Variants in IP6K1 observed in about 807,000 individuals in gnomAD.
The protein encoded by IP6K1 is inositol hexakisphosphate kinase 1, also known as ATP:1D-myo-inositol-hexakisphosphate phosphotransferase.
Under a neutral mutation model 38.3 loss-of-function variants are expected in IP6K1, and 13 were observed. That is an observed-to-expected ratio of 0.34 (90% CI 0.22 to 0.54). IP6K1 has a LOEUF of 0.54. IP6K1 is among the 20% of genes least tolerant of loss of function. IP6K1 has a pLI of 0.92. For synonymous variants in IP6K1, 212 were observed against 229.9 expected (o/e 0.92, Z 0.70); for missense variants, 397 against 599.8 (o/e 0.66, Z 3.53).
At chr3:49,764,198 A>C (rs768880513) in intron 1 of IP6K1, among the ~76,000 whole-genome samples, 4 of 151,772 alleles carry the variant, frequency 2.6e-5, no homozygotes, top group African/African-American at 7.3e-5. Flanking sequence ...CCTGGGCAAC[A>C]TAGTGAGACC....
At position 49,738,343 on chromosome 3, in the gene IP6K1, A is replaced by G; in HGVS notation, c.303T>C (p.Thr101=). Residue 101 remains threonine, a synonymous_variant, in exon 3 of 6, where the codon ACT becomes ACC. Transcript: ENST00000321599. ...LVAYPYVESE[T]VEQDDTTERE... ...GTTCTGTTGTGTCATCCTGTTCCAC[A>G]GTCTCACTTTCCACATAAGGATAGG... The G allele has an allele frequency of 6.2e-7, 1 of 1,614,182 alleles. No homozygotes were observed. The highest frequency in any genetic ancestry group is 8.5e-7 in the Non-Finnish European group (1 of 1,180,028).
At chr3:49,738,452 A>G (rs1035974320) in intron 2 of IP6K1, 30 bp from the exon 3 acceptor site, 2 of 1,557,580 alleles carry the variant, frequency 1.3e-6, no homozygotes, top group Non-Finnish European at 1.8e-6. Context: ...TGGTAAACAA[A>G]TGTCAACACA....
At chr3:49,768,786 A>T (rs2080932496) in intron 1 of IP6K1, among the ~76,000 whole-genome samples, 1 of 152,068 alleles carries the variant, frequency 6.6e-6, no homozygotes, top group Non-Finnish European at 1.5e-5. Context: ...AAAATAAAAT[A>T]AAATAGGCGA....
At chr3:49,744,869 C>T (rs993609527) in intron 2 of IP6K1, among the ~76,000 whole-genome samples, 5 of 152,122 alleles carry the variant, frequency 3.3e-5, no homozygotes, top group African/African-American at 1.2e-4. Flanking sequence ...CTCAATTAAG[C>T]TAAGAAAAAG....
intron 1 of IP6K1, 75 bp from the exon 2 acceptor site, chr3:49,748,243 G>C (rs2080740388): frequency 1.7e-6 from 1 of 600,408 alleles, no homozygotes; most frequent in Non-Finnish European, 3.0e-6. Flanking sequence ...CCATGAGTGA[G>C]AGCAGGGACT....
chr3:49,761,070 C>T (rs2080863862), intron 1 of IP6K1, among the ~76,000 whole-genome samples: 1 of 152,126 alleles, frequency 6.6e-6, no homozygotes, highest in African/African-American at 2.4e-5. Context: ...AATCCCAGCA[C>T]TTTGGGAGGC....
intron 4 of IP6K1, among the ~76,000 whole-genome samples, chr3:49,732,361 G>A (rs1401927231): frequency 6.6e-6 from 1 of 152,178 alleles, no homozygotes; most frequent in Non-Finnish European, 1.5e-5. Flanking sequence ...AAGCGCATAT[G>A]GGCACATACG....
chr3:49,771,471 G>A (rs1010472931), intron 1 of IP6K1, among the ~76,000 whole-genome samples: 3 of 152,112 alleles, frequency 2.0e-5, no homozygotes, highest in Non-Finnish European at 4.4e-5. Flanking sequence ...TTAGCATTCA[G>A]GTAAGTGAAA....
chr3:49,741,876 T>G (rs544156702), intron 2 of IP6K1, among the ~76,000 whole-genome samples: 21 of 152,298 alleles, frequency 1.4e-4, no homozygotes, highest in African/African-American at 5.1e-4. Context: ...ATTTAGAACT[T>G]CAAGGTGCCT....
At chr3:49,770,181 C>G (rs114205165) in intron 1 of IP6K1, among the ~76,000 whole-genome samples, 2,771 of 152,248 alleles carry the variant, frequency 0.018, 38 homozygotes, top group Non-Finnish European at 0.032. Flanking sequence ...TGGGCCACTT[C>G]TGAATTCCTA....
intron 1 of IP6K1, among the ~76,000 whole-genome samples, chr3:49,757,306 A>G (rs2080832354): frequency 6.6e-6 from 1 of 152,246 alleles, no homozygotes; most frequent in Admixed American, 6.6e-5. Context: ...GAAAACGTTA[A>G]GCACAGTGGG....
At chr3:49,754,359 G>T (rs1298851959) in intron 1 of IP6K1, among the ~76,000 whole-genome samples, 2 of 145,800 alleles carry the variant, frequency 1.4e-5, no homozygotes, top group Admixed American at 1.4e-4. Context: ...CTGGGTGACA[G>T]ATTCAGATCT....
chr3:49,775,303 A>C (rs1186024295), intron 1 of IP6K1: 3 of 258,220 alleles, frequency 1.2e-5, no homozygotes, highest in Non-Finnish European at 2.4e-5. Flanking sequence ...ACATCATCCT[A>C]ATTTGATCTT....
At chr3:49,761,177 T>C (rs1407253413) in intron 1 of IP6K1, among the ~76,000 whole-genome samples, 1 of 150,364 alleles carries the variant, frequency 6.7e-6, no homozygotes, top group Non-Finnish European at 1.5e-5. Context: ...TAGCTGGGCA[T>C]GGTGGTGGGC....
rs144308874 is a variant in IP6K1, at chr3:49,766,958, CAAAAAAAAAAAAAAAAAA to C, written c.-128-18808_-128-18791del. Among the ~76,000 whole-genome samples, 6 of 55,394 alleles carry C rather than the reference CAAAAAAAAAAAAAAAAAA, an allele frequency of 1.1e-4. No individual in the cohort carries two copies. The Admixed American group carries it at 1.6e-3, about 15-fold the overall frequency. 36.3% of individuals were successfully genotyped at this position (55,394 alleles called of 152,430 possible). On this transcript the variant is annotated intron_variant, in intron 1 of 5. Coordinates refer to ENST00000321599, the MANE Select transcript of IP6K1 (RefSeq NM_153273.4). ...GGGTGACAAGAGCAAGACTCCGTCT[CAAAAAAAAAAAAAAAAAA>C]AAAAAAAAAAAGAAAGAAATCCAAG...
intron 1 of IP6K1, among the ~76,000 whole-genome samples, chr3:49,762,708 A>AT (rs1462484953): frequency 1.3e-5 from 2 of 151,840 alleles, no homozygotes; most frequent in African/African-American, 4.8e-5. Context: ...ATCTTACATA[A>AT]TTTTTTTTCA....
chr3:49,781,784 T>TG lies in IP6K1; in HGVS notation c.-129+4569dup, dbSNP rs753799755. ...CAGGATCTCCGTAGTCTGTACAGTGTGAAAAACTCCTGAAATTGGCCAGGC... is the reference window on the plus strand; with the variant it reads ...CAGGATCTCCGTAGTCTGTACAGTGTGGAAAAACTCCTGAAATTGGCCAGGC... On this transcript the variant is annotated intron_variant, in intron 1 of 5. Coordinates refer to ENST00000321599, the MANE Select transcript of IP6K1 (RefSeq NM_153273.4). Among the ~76,000 whole-genome samples the TG allele has an allele frequency of 1.0e-3, 152 of 152,130 alleles. No homozygotes were observed. The Middle Eastern group carries it at 0.024, about 24-fold the overall frequency.
chr3:49,735,733 T>A (rs1325394171), intron 3 of IP6K1, among the ~76,000 whole-genome samples: 1 of 152,170 alleles, frequency 6.6e-6, no homozygotes, highest in East Asian at 1.9e-4. Flanking sequence ...GACATGGGCA[T>A]GTCCTTGTTC....
At position 49,747,825 on chromosome 3, in the gene IP6K1, T is replaced by C. The variant is rs761526590; in HGVS notation, c.216A>G (p.Glu72=). 24 of 1,614,010 alleles carry C rather than the reference T, an allele frequency of 1.5e-5. No individual in the cohort carries two copies. In the Admixed American group the frequency reaches 4.0e-4, roughly 27 times the overall value. ...LPPEMKEFTP[E]YKGVVSVCFE... ...AACTGGCCAGTGACTGACCTTTGTA[T>C]TCAGGGGTGAACTCCTTCATTTCGG... is the stretch of plus-strand genomic sequence containing the variant. The change falls in exon 2 of 6, where the codon GAA becomes GAG. Residue 72 remains glutamate (E), a synonymous_variant. Transcript: ENST00000321599.
Sources: allele counts gnomAD v4.1 joint callset (sites outside exome capture counted in the v4.1 genomes callset), GRCh38; gene constraint gnomAD v4.1.1; transcripts MANE v1.5; gene names NCBI Gene and HGNC (gene_info 2026-07-23, HGNC 2026-07-21).